The following METTL27 variants were observed in gnomAD, a reference collection of about 807,000 sequenced individuals.
The protein encoded by METTL27 is methyltransferase like 27, also known as methyltransferase-like protein 27.
In METTL27, 29 loss-of-function variants were observed where a neutral mutation model predicts 24.5. That is an observed-to-expected ratio of 1.18 (90% CI 0.88 to 1.61). The LOEUF is 1.61. METTL27 is among the 40% of genes most tolerant of loss of function. The probability of loss-of-function intolerance (pLI) is 0.00; values close to 1 mark genes in which losing one functional copy is unlikely to be tolerated. For missense variants in METTL27, 341 were observed against 324.3 expected (o/e 1.05, Z -0.40); for synonymous variants, 138 against 146.8 (o/e 0.94, Z 0.43).
In METTL27 at chr7:73,835,424, A is replaced by G. The variant is rs944695272; in HGVS notation, c.479-422T>C. Among the ~76,000 whole-genome samples, 5 of 144,102 alleles carry G rather than the reference A, an allele frequency of 3.5e-5. No homozygotes were observed. The East Asian group carries it at 6.1e-4, about 17-fold the overall frequency. The allele number at this position is 144,102 out of a possible 152,430, so 94.5% of individuals were successfully genotyped here. The stretch of plus-strand genomic sequence containing the variant: ...GAGACGGGGTTTCGCTGTGTTGGCC[A>G]GGCCGGTCTCCAGCCCCTAACCGCA... On this transcript the variant is annotated intron_variant, in intron 5 of 5. Transcript: ENST00000297873.
chr7:73,838,769 G>A (rs1384132046), intron 5 of METTL27, among the ~76,000 whole-genome samples: 2 of 152,166 alleles, frequency 1.3e-5, no homozygotes, highest in South Asian at 2.1e-4. Flanking sequence ...CAGCCTTCAG[G>A]GCTCCCCAGA....
At chr7:73,838,226 C>A (rs902868672) in intron 5 of METTL27, among the ~76,000 whole-genome samples, 3 of 152,180 alleles carry the variant, frequency 2.0e-5, no homozygotes, top group Non-Finnish European at 4.4e-5. Context: ...CACGCCTCTG[C>A]TGGAGGATGT....
intron 5 of METTL27, 42 bp downstream of exon 5, chr7:73,839,989 T>C (rs889623870): frequency 6.4e-7 from 1 of 1,558,088 alleles, no homozygotes. Context: ...GGAAGGTATA[T>C]GGTGACGGGG....
At chr7:73,840,341 G>T in intron 4 of METTL27, 73 bp downstream of exon 4, 1 of 1,543,768 alleles carries the variant, frequency 6.5e-7, no homozygotes. Context: ...GTGTGGGAGA[G>T]GGATGGAGGA....
chr7:73,838,613 G>C (rs1554635750), intron 5 of METTL27, among the ~76,000 whole-genome samples: 1 of 152,170 alleles, frequency 6.6e-6, no homozygotes, highest in Non-Finnish European at 1.5e-5. Flanking sequence ...GTCACCCATG[G>C]GCAGCCTGAT....
chr7:73,841,920 G>C, intron 2 of METTL27, 98 bp downstream of exon 2: 2 of 1,592,320 alleles, frequency 1.3e-6, no homozygotes, highest in Non-Finnish European at 1.7e-6. Flanking sequence ...GCCTCACTTC[G>C]TCCTCACAGC....
rs375120192 is a variant in METTL27 at position 73,839,999 on chromosome 7, G to A, written c.478+32C>T. The A allele has an allele frequency of 1.2e-5, 19 of 1,583,234 alleles. No individual in the cohort carries two copies. In the African/African-American group the frequency reaches 1.6e-4, roughly 13 times the overall value. ...ACAGGGGAAGGTATATGGTGACGGG[G>A]GTTGGGGGTGGTTGGCTGGGCTGCT... On this transcript the variant is annotated intron_variant, in intron 5 of 5. Coordinates refer to ENST00000297873, the MANE Select transcript of METTL27 (RefSeq NM_152559.3).
intron 5 of METTL27, among the ~76,000 whole-genome samples, chr7:73,835,967 C>T (rs1554635065): frequency 2.0e-5 from 3 of 151,322 alleles, no homozygotes; most frequent in Non-Finnish European, 4.4e-5. Context: ...TGAGGAGCCC[C>T]TCCGCCTGGC....
intron 2 of METTL27, 85 bp from the exon 3 acceptor site, chr7:73,841,283 G>A (rs1442324501): frequency 6.7e-7 from 1 of 1,491,370 alleles, no homozygotes; most frequent in Non-Finnish European, 8.8e-7. Context: ...AGTCTGCCAG[G>A]CTAAGCTGTG....
chr7:73,841,935 C>T (rs1788371512), intron 2 of METTL27, 83 bp downstream of exon 2: 6 of 1,608,350 alleles, frequency 3.7e-6, no homozygotes, highest in Non-Finnish European at 5.1e-6. Context: ...CACAGCCGCC[C>T]CCGGGTGCAA....
intron 2 of METTL27, among the ~76,000 whole-genome samples, chr7:73,841,403 A>G (rs1004244233): frequency 2.6e-5 from 4 of 151,524 alleles, no homozygotes; most frequent in Non-Finnish European, 5.9e-5. Context: ...AGCCCACTGT[A>G]CAGTAGACTC....
At chr7:73,841,492 A>C (rs1261883444) in intron 2 of METTL27, among the ~76,000 whole-genome samples, 1 of 113,180 alleles carries the variant, frequency 8.8e-6, no homozygotes, top group Non-Finnish European at 1.8e-5. Context: ...TTTTTTTTTG[A>C]GACAGAGTCT....
chr7:73,838,393 G>T (rs782234518), intron 5 of METTL27, among the ~76,000 whole-genome samples: 1 of 152,206 alleles, frequency 6.6e-6, no homozygotes, highest in Non-Finnish European at 1.5e-5. Flanking sequence ...GTGCCCTACA[G>T]TAAGTGCCGG....
At chr7:73,840,212 C>A in intron 4 of METTL27, 92 bp from the exon 5 acceptor site, 5 of 1,472,982 alleles carry the variant, frequency 3.4e-6, no homozygotes, top group East Asian at 4.6e-5. Flanking sequence ...AGGGGTGGGA[C>A]GAGGCTACTA....
chr7:73,838,534 A>G (rs1788269658), intron 5 of METTL27, among the ~76,000 whole-genome samples: 1 of 152,094 alleles, frequency 6.6e-6, no homozygotes, highest in African/African-American at 2.4e-5. Context: ...AGGAGGGGGT[A>G]AGGAGAAGCA....
chr7:73,835,790 T>C (rs1788158190), intron 5 of METTL27, among the ~76,000 whole-genome samples: 3 of 68,104 alleles, frequency 4.4e-5, no homozygotes, highest in Non-Finnish European at 6.8e-5. Flanking sequence ...CCGGCCGCCA[T>C]CACATCTAGG....
At chr7:73,841,585 G>A (rs1788357717) in intron 2 of METTL27, among the ~76,000 whole-genome samples, 1 of 150,856 alleles carries the variant, frequency 6.6e-6, no homozygotes, top group Non-Finnish European at 1.5e-5. Context: ...CAATTCTCCT[G>A]CATCAGCCTC....
intron 5 of METTL27, among the ~76,000 whole-genome samples, chr7:73,838,654 G>A (rs1554635756): frequency 6.6e-6 from 1 of 152,162 alleles, no homozygotes; most frequent in Non-Finnish European, 1.5e-5. Context: ...GCACAGGTTG[G>A]GCTAGGAAGT....
At chr7:73,838,476 A>G (rs1306567306) in intron 5 of METTL27, among the ~76,000 whole-genome samples, 1 of 152,038 alleles carries the variant, frequency 6.6e-6, no homozygotes, top group Non-Finnish European at 1.5e-5. Flanking sequence ...GTGCACTGAG[A>G]AGGAGAGATG....
Sources: allele counts gnomAD v4.1 joint callset (sites outside exome capture counted in the v4.1 genomes callset), GRCh38; gene constraint gnomAD v4.1.1; transcripts MANE v1.5; gene names NCBI Gene and HGNC (gene_info 2026-07-23, HGNC 2026-07-21).